Variants in GPM6A observed in about 807,000 individuals in gnomAD.
GPM6A encodes neuronal membrane glycoprotein M6-a.
A neutral mutation model predicts 32.1 loss-of-function variants in GPM6A; 7 were observed. The ratio of observed to expected loss-of-function variants is 0.22; its 90% CI spans 0.12 to 0.41. The LOEUF is 0.41. GPM6A is among the 10% of genes least tolerant of loss of function. GPM6A has a pLI of 1.00. For synonymous variants in GPM6A, 130 were observed against 123.4 expected (o/e 1.05, Z -0.35); for missense variants, 235 against 347.2 (o/e 0.68, Z 2.57).
intron 1 of GPM6A, among the ~76,000 whole-genome samples, chr4:175,877,487 A>G (rs980002377): frequency 6.6e-6 from 1 of 152,130 alleles, no homozygotes; most frequent in Non-Finnish European, 1.5e-5. Context: ...GCCTCAAGAA[A>G]CTTATAATCA....
At chr4:175,656,738 C>T (rs1742107665) in intron 3 of GPM6A, among the ~76,000 whole-genome samples, 1 of 152,132 alleles carries the variant, frequency 6.6e-6, no homozygotes, top group South Asian at 2.1e-4. Flanking sequence ...AAATCACACC[C>T]TGTTGAGGTC....
intron 1 of GPM6A, among the ~76,000 whole-genome samples, chr4:175,853,758 G>T (rs1013052717): frequency 6.0e-4 from 91 of 152,038 alleles, no homozygotes; most frequent in African/African-American, 1.9e-3. Flanking sequence ...TAGTACTTTT[G>T]TGTGAAGATA....
intron 1 of GPM6A, among the ~76,000 whole-genome samples, chr4:175,709,702 T>C (rs2111086452): frequency 7.3e-6 from 1 of 136,508 alleles, no homozygotes; most frequent in African/African-American, 2.7e-5. Context: ...CACTCCAGCC[T>C]GGGTGACAGA....
intron 1 of GPM6A, among the ~76,000 whole-genome samples, chr4:175,830,620 G>C (rs1735579921): frequency 6.6e-6 from 1 of 152,124 alleles, no homozygotes; most frequent in African/African-American, 2.4e-5. Flanking sequence ...GGCAATAAAT[G>C]GCAGAGTTGA....
chr4:175,637,376 A>ATTT (rs554079814), intron 6 of GPM6A, among the ~76,000 whole-genome samples: 17 of 91,316 alleles, frequency 1.9e-4, no homozygotes, highest in African/African-American at 6.9e-4. Context: ...CATATAATAT[A>ATTT]TTATATAATA....
chr4:175,775,486 C>T (rs1733357623), intron 1 of GPM6A, among the ~76,000 whole-genome samples: 1 of 152,064 alleles, frequency 6.6e-6, no homozygotes, highest in Non-Finnish European at 1.5e-5. Context: ...CTAGATTTTT[C>T]CATTAACTCA....
At chr4:175,730,984 G>A (rs1342699698) in intron 1 of GPM6A, among the ~76,000 whole-genome samples, 1 of 152,082 alleles carries the variant, frequency 6.6e-6, no homozygotes, top group Non-Finnish European at 1.5e-5. Context: ...CCAACCTCCT[G>A]GCAGTCTGTC....
At chr4:175,722,691 G>A (rs1010758501) in intron 1 of GPM6A, among the ~76,000 whole-genome samples, 3 of 152,086 alleles carry the variant, frequency 2.0e-5, no homozygotes, top group Non-Finnish European at 2.9e-5. Context: ...ATTATGTTGT[G>A]CATGATGTAC....
At chr4:175,930,266 A>C (rs1738985213) in intron 1 of GPM6A, among the ~76,000 whole-genome samples, 1 of 152,138 alleles carries the variant, frequency 6.6e-6, no homozygotes, top group Non-Finnish European at 1.5e-5. Flanking sequence ...TTTCAAAACA[A>C]AACTGCCAGG....
At chr4:175,678,098 T>G (rs934826727) in intron 2 of GPM6A, among the ~76,000 whole-genome samples, 1 of 152,042 alleles carries the variant, frequency 6.6e-6, no homozygotes, top group African/African-American at 2.4e-5. Context: ...AATTCCCCAC[T>G]CCAGGCCATA....
At chr4:175,987,422 T>G (rs1424042093) in intron 1 of GPM6A, among the ~76,000 whole-genome samples, 1 of 152,206 alleles carries the variant, frequency 6.6e-6, no homozygotes, top group African/African-American at 2.4e-5. Context: ...GATTGAAGTT[T>G]GTCTTAAATT....
intron 1 of GPM6A, among the ~76,000 whole-genome samples, chr4:175,767,213 A>G (rs910035997): frequency 3.3e-5 from 5 of 152,204 alleles, no homozygotes; most frequent in African/African-American, 1.2e-4. Context: ...TTCTTTTCAA[A>G]GAAGTTAGAG....
Position 175,646,490 on chromosome 4 carries a change from C to T in GPM6A, c.541+5344G>A, listed in dbSNP as rs773946849. Among the ~76,000 whole-genome samples the T allele has an allele frequency of 3.9e-5, 6 of 152,228 alleles. No individual in the cohort carries two copies. The South Asian group carries it at 1.2e-3, about 32-fold the overall frequency. ...TATTCCTAGGTCTTGGCTGTCTTCT[C>T]TAGAGAAAGTATGATGAGCCAGGTT... On this transcript the variant is annotated intron_variant, in intron 4 of 6. Coordinates refer to ENST00000393658, the MANE Select transcript of GPM6A (RefSeq NM_201591.3).
At chr4:175,810,891 T>A (rs1734891970) in intron 1 of GPM6A, among the ~76,000 whole-genome samples, 2 of 152,194 alleles carry the variant, frequency 1.3e-5, no homozygotes, top group South Asian at 2.1e-4. Flanking sequence ...TGAGGTTTTT[T>A]AATTTAAAAA....
At chr4:175,814,770 C>G (rs1410622332), upstream of GPM6A, among the ~76,000 whole-genome samples, 1 of 152,170 alleles carries the variant, frequency 6.6e-6, no homozygotes, top group Non-Finnish European at 1.5e-5. Flanking sequence ...CTCCTCACAG[C>G]AATCACCTGT....
chr4:175,681,712 T>G (rs373224491), intron 2 of GPM6A, among the ~76,000 whole-genome samples: 6 of 152,092 alleles, frequency 3.9e-5, no homozygotes, highest in South Asian at 2.1e-4. Context: ...CACCTTCTGC[T>G]ATGATGGCAA....
upstream of GPM6A, among the ~76,000 whole-genome samples, chr4:175,815,510 G>A (rs1735069412): frequency 1.3e-5 from 2 of 151,840 alleles, no homozygotes; most frequent in Admixed American, 1.3e-4. Context: ...GTCCTTATGG[G>A]GACTGAAATG....
At chr4:175,923,924 C>G (rs1382337219) in intron 1 of GPM6A, among the ~76,000 whole-genome samples, 1 of 152,166 alleles carries the variant, frequency 6.6e-6, no homozygotes, top group Non-Finnish European at 1.5e-5. Context: ...CATAAGACAA[C>G]AAGCATGAAG....
intron 1 of GPM6A, among the ~76,000 whole-genome samples, chr4:176,000,531 T>A (rs535108539): frequency 1.3e-5 from 2 of 152,376 alleles, no homozygotes; most frequent in South Asian, 4.1e-4. Flanking sequence ...TACCTTACCT[T>A]TGATAGCCAG....
Sources: gnomAD v4.1 joint callset for allele counts (sites outside exome capture counted in the v4.1 genomes callset) on GRCh38, gnomAD v4.1.1 for gene constraint, MANE v1.5 for transcripts, NCBI Gene and HGNC (gene_info 2026-07-23, HGNC 2026-07-21) for gene names.